The following CLPTM1L variants were observed in gnomAD, a reference collection of about 807,000 sequenced individuals.
CLPTM1L encodes the protein CLPTM1 like.
In CLPTM1L, 38 loss-of-function variants were observed where a neutral mutation model predicts 70.9. The observed-to-expected ratio is 0.54, with a 90% CI of 0.41 to 0.70. The LOEUF (loss-of-function observed/expected upper bound fraction) is 0.70, where lower values mean the gene tolerates loss of function less well. Among genes scored for constraint, CLPTM1L ranks in the 30% least tolerant of loss-of-function variants. CLPTM1L has a pLI of 0.00. For missense variants in CLPTM1L, 652 were observed against 705.9 expected (o/e 0.92, Z 0.87); for synonymous variants, 339 against 299.9 (o/e 1.13, Z -1.35).
intron 7 of CLPTM1L, chr5:1,332,143 C>A: frequency 2.1e-6 from 1 of 486,996 alleles, no homozygotes; most frequent in Admixed American, 3.3e-5. Context: ...GAAAGGCCCC[C>A]AGGCAATTGG....
intron 8 of CLPTM1L, chr5:1,330,835 G>C (rs1753042341): frequency 6.2e-6 from 1 of 160,458 alleles, no homozygotes; most frequent in South Asian, 1.9e-4. Context: ...GCAAGCAGGG[G>C]AAGCAGATCC....
Position 1,318,880 on chromosome 5 carries a change from G to A in CLPTM1L, c.1533-427C>T, listed in dbSNP as rs1024334219. Among the ~76,000 whole-genome samples, 6 of 152,214 alleles carry A rather than the reference G, an allele frequency of 3.9e-5. No individual in the cohort carries two copies. The highest frequency in any genetic ancestry group is 4.8e-5 in the African/African-American group (2 of 41,456). ...ACTGCCGCCGCCTTTGATCCTGAGC[G>A]CCCCGGAGGCCTTGCCAACATCACC... is the stretch of plus-strand genomic sequence containing the variant. On this transcript the variant is annotated intron_variant, in intron 16 of 16. Coordinates refer to ENST00000320895, the MANE Select transcript of CLPTM1L (RefSeq NM_030782.5). The surrounding 1 kb of genome is among the most constrained non-coding windows in gnomAD (Gnocchi z 8.9).
rs55770813 is a variant in CLPTM1L, at chr5:1,343,695, C to T, written c.263+656G>A. Among the ~76,000 whole-genome samples the T allele has an allele frequency of 9.5e-3, 1,443 of 152,336 alleles. 21 individuals are homozygous for T. Among genetic ancestry groups the T allele is most frequent in the Non-Finnish European group, 0.011 (774 of 68,030 alleles). On this transcript the variant is annotated intron_variant, in intron 2 of 16. Transcript: ENST00000320895. ...GCTTGCCAGCGCCTCCAGCTACCCC[C>T]AGGGACTGGCTGCCTAGAGGGCGTG... is the stretch of plus-strand genomic sequence containing the variant.
chr5:1,326,636 T>C (rs1318691996), intron 9 of CLPTM1L, among the ~76,000 whole-genome samples: 1 of 151,374 alleles, frequency 6.6e-6, no homozygotes, highest in Non-Finnish European at 1.5e-5. Flanking sequence ...CAGCTCCTCC[T>C]CTACAGACAC....
At position 1,320,545 on chromosome 5, in the gene CLPTM1L, C is replaced by T. The variant is rs949803660; in HGVS notation, c.1532+71G>A. The T allele has an allele frequency of 1.6e-5, 13 of 795,726 alleles. No homozygotes were observed. In the African/African-American group the frequency reaches 2.0e-4, roughly 12 times the overall value. The allele number at this position is 795,726 out of a possible 1,614,324, so 49.3% of individuals were successfully genotyped here. ...AAACAGGCGCAGGGTGCGGTGAAAG[C>T]CGTCATTCCGTTCAGCAGCAGCCAC... On this transcript the variant is annotated intron_variant, in intron 16 of 16. Transcript: ENST00000320895.
intron 9 of CLPTM1L, chr5:1,326,214 G>A (rs1390164804): frequency 3.9e-6 from 1 of 258,310 alleles, no homozygotes; most frequent in Non-Finnish European, 7.4e-6. Context: ...ATCACCCACG[G>A]AGCTCAGGAC....
rs866190177 is a variant in CLPTM1L, at chr5:1,342,048, A to G, written c.264-188T>C. Among the ~76,000 whole-genome samples, 662 of 114,950 alleles carry G rather than the reference A, an allele frequency of 5.8e-3. 4 individuals are homozygous for G. Among genetic ancestry groups the G allele is most frequent in the African/African-American group, 0.026 (637 of 24,102 alleles). The allele number at this position is 114,950 out of a possible 152,430, so 75.4% of individuals were successfully genotyped here. A position where few individuals can be genotyped will look rare whatever the true frequency, so the allele number is the denominator to read the frequency against. On this transcript the variant is annotated intron_variant, in intron 2 of 16. Coordinates refer to ENST00000320895, the MANE Select transcript of CLPTM1L (RefSeq NM_030782.5). This position sits in a 1 kb window ranked among gnomAD's most constrained non-coding sequence, Gnocchi z 4.3. ...TGTGTGTGTGTGTGTGTGCACGCGC[A>G]CGCGTGCGCGTCCTGAGAACTCGGC...
At chr5:1,328,528 AGACACATTTCATCCAGCTCCTCCTCTACG>A (rs1262782832) in intron 9 of CLPTM1L, among the ~76,000 whole-genome samples, 21 of 146,204 alleles carry the variant, frequency 1.4e-4, no homozygotes, top group Non-Finnish European at 2.2e-4. Flanking sequence ...CCTCCTCTGC[AGACACATTTCATCCAGCTCCTCCTCTACG>A]GACACATTTC....
rs1173286165 is a variant in CLPTM1L, at chr5:1,326,067, T to C, written c.1081-251A>G. Reference sequence around the variant, plus strand: ...CCCAGCGGACAACAAAAACAGCATGTGAGGGCAGTTCTTTACGCCACTCTG... The same window carrying C: ...CCCAGCGGACAACAAAAACAGCATGCGAGGGCAGTTCTTTACGCCACTCTG... On this transcript the variant is annotated intron_variant, in intron 9 of 16. Coordinates refer to ENST00000320895, the MANE Select transcript of CLPTM1L (RefSeq NM_030782.5). 7.7e-6 allele frequency: 4 copies of C among 521,278 alleles called. No homozygotes were observed. The East Asian group carries it at 1.2e-4, about 16-fold the overall frequency. 32.3% of individuals were successfully genotyped at this position (521,278 alleles called of 1,614,324 possible).
rs1021275865 is a variant in CLPTM1L at position 1,325,685 on chromosome 5, T to G, written c.1146+66A>C. 3 of 1,398,002 alleles carry G rather than the reference T, an allele frequency of 2.1e-6. No homozygotes were observed. The Admixed American group carries it at 5.2e-5, about 24-fold the overall frequency. The allele number at this position is 1,398,002 out of a possible 1,614,324, so 86.6% of individuals were successfully genotyped here. A position where few individuals can be genotyped will look rare whatever the true frequency, so the allele number is the denominator to read the frequency against. On this transcript the variant is annotated intron_variant, in intron 10 of 16. Coordinates refer to ENST00000320895, the MANE Select transcript of CLPTM1L (RefSeq NM_030782.5). ...ATCTGCAGATGGCCATCTTACTCTTTGCACAGGGGGCAAAATCACACTCTT... is the reference window on the plus strand; with the variant it reads ...ATCTGCAGATGGCCATCTTACTCTTGGCACAGGGGGCAAAATCACACTCTT...
In CLPTM1L at chr5:1,344,866, G is replaced by T; in HGVS notation, c.-25C>A. 1 of 1,384,504 alleles carries T rather than the reference G, an allele frequency of 7.2e-7. No individual in the cohort carries two copies. Among genetic ancestry groups the T allele is most frequent in the African/African-American group, 1.5e-5 (1 of 65,934 alleles). 85.8% of individuals were successfully genotyped at this position (1,384,504 alleles called of 1,614,324 possible). On this transcript the variant is annotated 5_prime_UTR_variant, in exon 1 of 17. Coordinates refer to ENST00000320895, the MANE Select transcript of CLPTM1L (RefSeq NM_030782.5). ...TGGCGGCCCCGCGCCCGGCGCCCCC[G>T]GCCCGCCCGCCTCTCAGCCGCGAGC...
At position 1,335,905 on chromosome 5, in the gene CLPTM1L, C is replaced by T. The variant is rs540322273; in HGVS notation, c.679-731G>A. 3.0e-4 allele frequency among the ~76,000 whole-genome samples: 45 copies of T among 148,416 alleles called. 1 individual carries two copies. Among genetic ancestry groups the T allele is most frequent in the African/African-American group, 8.6e-4 (35 of 40,478 alleles). On this transcript the variant is annotated intron_variant, in intron 5 of 16. Transcript: ENST00000320895. Reference sequence around the variant, plus strand: ...ACCCTCCACGTTCTGGAACATCCAGCGAGGGCTGTGCTCTAATCCACCTGC... The same window carrying T: ...ACCCTCCACGTTCTGGAACATCCAGTGAGGGCTGTGCTCTAATCCACCTGC...
rs1263684517 is a variant in CLPTM1L at position 1,344,470 on chromosome 5, CGA to C, written c.163-21_163-20del. 1.2e-6 allele frequency: 2 copies of C among 1,603,740 alleles called. No homozygotes were observed. The highest frequency in any genetic ancestry group is 1.1e-5 in the South Asian group (1 of 90,800). ...CGCTCAGCTGGAAAGGAGGGGGCGT[CGA>C]GAGTCAGCTCGGCCAGGCCCTGGCA... On this transcript the variant is annotated intron_variant, in intron 1 of 16. Transcript: ENST00000320895.
chr5:1,326,378 G>A (rs1348607819), intron 9 of CLPTM1L: 1 of 244,884 alleles, frequency 4.1e-6, no homozygotes, highest in African/African-American at 2.4e-5. Context: ...CTCCTCTACA[G>A]ACACATTTCA....
Position 1,341,790 on chromosome 5 carries a change from G to A in CLPTM1L, c.334C>T (p.His112Tyr), listed in dbSNP as rs1335058509. The change falls in exon 3 of 17, where the codon CAC (histidine) becomes TAC (tyrosine). Residue 112 changes from histidine to tyrosine, a missense_variant. Transcript: ENST00000320895. The part of the protein sequence containing the change: ...GTLYAYIFLH[H>Y]AGVLPWHDGK... ...TCGTGCCACGGCAGGACCCCAGCGT[G>A]ATGGAGGAAGATGTAGGCATACAGC... 1 of 1,614,094 alleles carries A rather than the reference G, an allele frequency of 6.2e-7. No homozygotes were observed. The highest frequency in any genetic ancestry group is 8.5e-7 in the Non-Finnish European group (1 of 1,179,996).
chr5:1,331,553 G>A (rs1324021805), intron 8 of CLPTM1L: 7 of 568,354 alleles, frequency 1.2e-5, no homozygotes, highest in Non-Finnish European at 1.9e-5. Context: ...GCCAGAGTCC[G>A]CAGCCAGGCC....
intron 9 of CLPTM1L, among the ~76,000 whole-genome samples, chr5:1,328,967 A>G (rs1438352664): frequency 6.6e-6 from 1 of 151,972 alleles, no homozygotes; most frequent in Non-Finnish European, 1.5e-5. Context: ...CTCTACAGAC[A>G]CATTTCATAC....
intron 7 of CLPTM1L, among the ~76,000 whole-genome samples, chr5:1,333,666 A>T (rs1753331495): frequency 2.9e-4 from 28 of 95,448 alleles, no homozygotes; most frequent in Non-Finnish European, 4.2e-4. Flanking sequence ...ACACCGGCTG[A>T]GGATAAGGGG....
chr5:1,340,800 T>G (rs1229215588), intron 3 of CLPTM1L, among the ~76,000 whole-genome samples: 1 of 152,250 alleles, frequency 6.6e-6, no homozygotes, highest in East Asian at 1.9e-4. Context: ...TAAATTTTTC[T>G]GAGGCAGAGT....
Sources: gnomAD v4.1 joint callset for allele counts (sites outside exome capture counted in the v4.1 genomes callset) on GRCh38, gnomAD v4.1.1 for gene constraint, Gnocchi (gnomAD v3.1) non-coding constraint, MANE v1.5 for transcripts, NCBI Gene and HGNC (gene_info 2026-07-23, HGNC 2026-07-21) for gene names.